Variants in XKR7 observed in about 807,000 individuals in gnomAD.
The protein encoded by XKR7 is XK related 7.
A neutral mutation model predicts 42.2 loss-of-function variants in XKR7; 11 were observed. The ratio of observed to expected loss-of-function variants is 0.26; its 90% CI spans 0.16 to 0.43. The LOEUF (loss-of-function observed/expected upper bound fraction) is 0.43. Ranked by LOEUF, XKR7 falls within the 20% of genes least tolerant of loss-of-function variation. XKR7 has a pLI of 1.00. For missense variants in XKR7, 710 were observed against 802.2 expected (o/e 0.89, Z 1.39); for synonymous variants, 346 against 366.4 (o/e 0.94, Z 0.64).
chr20:31,981,553 G>A (rs189063103), intron 1 of XKR7, among the ~76,000 whole-genome samples: 183 of 152,186 alleles, frequency 1.2e-3, no homozygotes, highest in African/African-American at 4.3e-3. Flanking sequence ...TTAGCCAGGT[G>A]TGGTGGCATG....
At chr20:31,974,141 C>A (rs1009420243) in intron 1 of XKR7, among the ~76,000 whole-genome samples, 9 of 151,814 alleles carry the variant, frequency 5.9e-5, no homozygotes, top group Non-Finnish European at 1.2e-4. Context: ...TGCAGTGAGC[C>A]GAGAGTGAGC....
At chr20:31,976,951 T>G (rs780446638) in intron 1 of XKR7, among the ~76,000 whole-genome samples, 1 of 152,216 alleles carries the variant, frequency 6.6e-6, no homozygotes, top group African/African-American at 2.4e-5. Context: ...TTGGTGGTCT[T>G]GCACCCAGCC....
chr20:31,997,117 A>T lies in XKR7; in HGVS notation c.1400A>T (p.Asp467Val). ...TCAGAGCCCTGTGGCCCACCCGCTG[A>T]CGCCATCACGAGTCCCCCCAGGTCC... ...KASEPCGPPA[D>V]AITSPPRSLP... The change falls in exon 3 of 3, where the codon GAC (aspartate) becomes GTC (valine). Residue 467 changes from aspartate (D) to valine (V), a missense_variant. Transcript: ENST00000562532. The T allele has an allele frequency of 1.9e-6, 3 of 1,612,922 alleles. No homozygotes were observed. Among genetic ancestry groups the T allele is most frequent in the Non-Finnish European group, 2.5e-6 (3 of 1,180,004 alleles).
intron 1 of XKR7, among the ~76,000 whole-genome samples, chr20:31,993,980 T>C (rs1019516909): frequency 6.6e-6 from 1 of 152,086 alleles, no homozygotes; most frequent in African/African-American, 2.4e-5. Flanking sequence ...AGGGAGAACA[T>C]TGTGAGCTCT....
rs554144930 is a variant in XKR7 at position 31,995,062 on chromosome 20, C to A, written c.585-6C>A. On this transcript the variant is annotated splice_polypyrimidine_tract_variant and splice_region_variant and intron_variant, in intron 1 of 2. Coordinates refer to ENST00000562532, the MANE Select transcript of XKR7 (RefSeq NM_001011718.2). The surrounding 1 kb of genome is among the most constrained non-coding windows in gnomAD (Gnocchi z 4.1). ...CGGGAGCCTGAGCACCGCGTCCTTC[C>A]CGCAGGTACCTGCGCGCCCTGTACC... 1.3e-6 allele frequency: 2 copies of A among 1,542,794 alleles called. No individual in the cohort carries two copies. The highest frequency in any genetic ancestry group is 2.0e-5 in the Admixed American group (1 of 50,492).
intron 1 of XKR7, among the ~76,000 whole-genome samples, chr20:31,980,618 T>G (rs2064507715): frequency 6.6e-6 from 1 of 152,204 alleles, no homozygotes; most frequent in South Asian, 2.1e-4. Context: ...CATCCTTACC[T>G]CTCACCTGGC....
chr20:31,978,617 C>T (rs544648387), intron 1 of XKR7, among the ~76,000 whole-genome samples: 1 of 152,340 alleles, frequency 6.6e-6, no homozygotes, highest in South Asian at 2.1e-4. Flanking sequence ...ATAGTAGCCA[C>T]TATAGAGCAC....
At position 31,968,824 on chromosome 20, in the gene XKR7, G is replaced by T. The variant is rs1430042831; in HGVS notation, c.584+65G>T. ...TGGGGGTGGCGAAGGGCTACCTGAC[G>T]TCCCAGCCCTGATCTGACCTTTCCG... On this transcript the variant is annotated intron_variant, in intron 1 of 2. Transcript: ENST00000562532. This position sits in a 1 kb window ranked among gnomAD's most constrained non-coding sequence, Gnocchi z 4.5. 1.4e-6 allele frequency: 2 copies of T among 1,442,152 alleles called. No homozygotes were observed. The highest frequency in any genetic ancestry group is 1.8e-6 in the Non-Finnish European group (2 of 1,102,956). 89.3% of individuals were successfully genotyped at this position (1,442,152 alleles called of 1,614,324 possible).
At chr20:31,969,455 A>C (rs1203554282) in intron 1 of XKR7, among the ~76,000 whole-genome samples, 1 of 152,198 alleles carries the variant, frequency 6.6e-6, no homozygotes, top group Non-Finnish European at 1.5e-5. Context: ...CGAACTGGTA[A>C]GGCAAAACTG....
In XKR7 at chr20:31,968,689, C is replaced by A. The variant is rs748911909; in HGVS notation, c.514C>A (p.Arg172Ser). The change falls in exon 1 of 3, where the codon CGC becomes AGC. Residue 172 changes from arginine (R) to serine (S), a missense_variant. Arg to Ser is a moderately radical substitution (Grantham distance 110). This residue lies in a region of XKR7 where 708 missense variants were observed against 786.2 expected (regional missense o/e 0.90). Coordinates refer to ENST00000562532, the MANE Select transcript of XKR7 (RefSeq NM_001011718.2). The surrounding 1 kb of genome is among the most constrained non-coding windows in gnomAD (Gnocchi z 4.5). ...CTCCTCGGCCAGCGCCTACCGCCGC[C>A]GCTGCTGCCGCCTCTGCATCTGGCT... ...APSSASAYRR[R>S]CCRLCIWLLQ... 6.4e-7 allele frequency: 1 copy of A among 1,565,556 alleles called. No individual in the cohort carries two copies. The highest frequency in any genetic ancestry group is 1.2e-5 in the South Asian group (1 of 86,956).
At chr20:31,996,441 C>A in intron 2 of XKR7, 64 bp from the exon 3 acceptor site, 2 of 1,136,792 alleles carry the variant, frequency 1.8e-6, no homozygotes, top group Non-Finnish European at 1.2e-6. Flanking sequence ...CTCCGCCTCT[C>A]CCCAGACCCC....
chr20:31,985,739 C>G (rs2064535251), intron 1 of XKR7, among the ~76,000 whole-genome samples: 1 of 149,484 alleles, frequency 6.7e-6, no homozygotes, highest in Non-Finnish European at 1.5e-5. Context: ...ATCCAAGACA[C>G]AGACAGACAG....
intron 1 of XKR7, among the ~76,000 whole-genome samples, chr20:31,974,149 A>AT (rs2064476005): frequency 6.6e-6 from 1 of 152,062 alleles, no homozygotes; most frequent in Non-Finnish European, 1.5e-5. Flanking sequence ...GCCGAGAGTG[A>AT]GCCACTGCAC....
In XKR7 at chr20:31,968,455, TTGC is replaced by T; in HGVS notation, c.283_285del (p.Leu95del). ...TCAACACACCTACTTCAGCCTCACC[TTGC>T]TGTTCGTGCTCCTGCCCTCGCTGGT... On this transcript the variant is annotated inframe_deletion, in exon 1 of 3. Transcript: ENST00000562532. This position sits in a 1 kb window ranked among gnomAD's most constrained non-coding sequence, Gnocchi z 4.5. 1 of 1,614,004 alleles carries T rather than the reference TTGC, an allele frequency of 6.2e-7. No individual in the cohort carries two copies. Among genetic ancestry groups the T allele is most frequent in the Non-Finnish European group, 8.5e-7 (1 of 1,179,916 alleles).
chr20:32,003,144 C>G lies in XKR7; in HGVS notation c.*5687C>G, dbSNP rs976235554. The G allele has an allele frequency of 6.6e-6, 1 of 152,346 alleles. No individual in the cohort carries two copies. Among genetic ancestry groups the G allele is most frequent in the Non-Finnish European group, 1.5e-5 (1 of 68,158 alleles). 9.4% of individuals were successfully genotyped at this position (152,346 alleles called of 1,614,324 possible). On this transcript the variant is annotated 3_prime_UTR_variant, in exon 3 of 3. Transcript: ENST00000562532. ...CTCCCTGTCGTCTCTTCCTCCCTAA[C>G]GGGCCCTCACCCCTGTCCTCTTCTG...
chr20:31,974,565 T>A (rs1257978444), intron 1 of XKR7, among the ~76,000 whole-genome samples: 2 of 152,202 alleles, frequency 1.3e-5, no homozygotes, highest in East Asian at 3.9e-4. Context: ...AGTAGAAAAT[T>A]AAATAATGTT....
intron 1 of XKR7, among the ~76,000 whole-genome samples, chr20:31,987,305 C>T (rs369410147): frequency 1.3e-3 from 197 of 149,094 alleles, no homozygotes; most frequent in African/African-American, 4.5e-3. Flanking sequence ...GACCACCAAA[C>T]AGATCCAGTA....
Position 31,996,735 on chromosome 20 carries a change from A to T in XKR7, c.1018A>T (p.Thr340Ser). ...IFIVAHWCVM[T>S]FWVIQGETDF... ...CATCGTGGCCCACTGGTGCGTCATG[A>T]CCTTCTGGGTCATCCAAGGGGAGAC... is the stretch of plus-strand genomic sequence containing the variant. The change falls in exon 3 of 3, where the codon ACC becomes TCC. Residue 340 changes from threonine (T) to serine (S), a missense_variant. Physicochemically the swap from Thr to Ser is moderately conservative, Grantham distance 58. Transcript: ENST00000562532. 1 of 1,613,816 alleles carries T rather than the reference A, an allele frequency of 6.2e-7. No homozygotes were observed. The highest frequency in any genetic ancestry group is 8.5e-7 in the Non-Finnish European group (1 of 1,179,932).
At chr20:31,989,358 T>G (rs2064558717) in intron 1 of XKR7, among the ~76,000 whole-genome samples, 2 of 151,012 alleles carry the variant, frequency 1.3e-5, no homozygotes, top group African/African-American at 4.9e-5. Flanking sequence ...CAGGGCCAGA[T>G]GGTTTAGGGC....
Sources: gnomAD v4.1 joint callset for allele counts (sites outside exome capture counted in the v4.1 genomes callset) on GRCh38, gnomAD v4.1.1 for gene constraint, gnomAD v4.1.1 regional missense constraint, Gnocchi (gnomAD v3.1) non-coding constraint, MANE v1.5 for transcripts, NCBI Gene and HGNC (gene_info 2026-07-23, HGNC 2026-07-21) for gene names.